The following OPHN1 variants were observed in gnomAD, a reference collection of about 807,000 sequenced individuals.
OPHN1 encodes oligophrenin 1.
OPHN1 carries 11 observed loss-of-function variants against 60.7 expected under a neutral mutation model. The observed-to-expected ratio is 0.18, with a 90% confidence interval of 0.11 to 0.30. OPHN1 has a LOEUF of 0.30. OPHN1 is among the 10% of genes least tolerant of loss of function. The probability of loss-of-function intolerance (pLI) is 1.00; values close to 1 mark genes in which losing one functional copy is unlikely to be tolerated. For synonymous variants in OPHN1, 226 were observed against 222.6 expected, an observed-to-expected ratio of 1.02 and a Z score of -0.14; for missense variants, 449 against 611.0, an observed-to-expected ratio of 0.73 and a Z score of 2.80.
intron 6 of OPHN1, among the ~76,000 whole-genome samples, chrX:68,223,709 T>C (rs892764905): frequency 9.0e-6 from 1 of 111,017 alleles, no homozygotes; most frequent in African/African-American, 3.3e-5. Flanking sequence ...ACAATTAAAA[T>C]GTAAAGAAAA....
chrX:68,181,917 G>A (rs1281356037), intron 15 of OPHN1, among the ~76,000 whole-genome samples: 1 of 112,119 alleles, frequency 8.9e-6, no homozygotes, highest in Non-Finnish European at 1.9e-5. Flanking sequence ...CTGAGTTCAA[G>A]TCCATGGTGT....
intron 2 of OPHN1, among the ~76,000 whole-genome samples, chrX:68,399,819 T>C (rs753874980): frequency 2.5e-4 from 23 of 90,378 alleles, no homozygotes; most frequent in African/African-American, 7.9e-4. Context: ...TAGTTTCTTT[T>C]TTTTTCTTTC....
intron 15 of OPHN1, among the ~76,000 whole-genome samples, chrX:68,131,097 T>C (rs1460351388): frequency 1.8e-5 from 2 of 110,863 alleles, no homozygotes; most frequent in Non-Finnish European, 3.8e-5. Flanking sequence ...AAGAGGAAAA[T>C]TTAGGAATGG....
intron 23 of OPHN1, 108 bp downstream of exon 23, chrX:68,052,432 C>T: frequency 1.4e-6 from 1 of 719,804 alleles, no homozygotes; most frequent in Non-Finnish European, 2.1e-6. Flanking sequence ...AGAGACAGAG[C>T]TGTAGAGAAA....
intron 15 of OPHN1, among the ~76,000 whole-genome samples, chrX:68,192,195 A>C (rs1468343584): frequency 8.9e-6 from 1 of 111,911 alleles, no homozygotes; most frequent in Non-Finnish European, 1.9e-5. Context: ...ATTGAAAAGG[A>C]ATCCTATAAG....
At chrX:68,057,431 T>C (rs1442861531) in intron 21 of OPHN1, among the ~76,000 whole-genome samples, 1 of 111,115 alleles carries the variant, frequency 9.0e-6, no homozygotes, top group African/African-American at 3.3e-5. Flanking sequence ...GGCGGAGTTG[T>C]GGAGGGGAAG....
At chrX:68,274,092 G>A (rs1338847472) in intron 5 of OPHN1, among the ~76,000 whole-genome samples, 1 of 111,609 alleles carries the variant, frequency 9.0e-6, no homozygotes, top group Non-Finnish European at 1.9e-5. Flanking sequence ...CATTCATGAA[G>A]GATCCACCCC....
At chrX:68,417,714 A>G (rs2043293752) in intron 2 of OPHN1, among the ~76,000 whole-genome samples, 1 of 112,535 alleles carries the variant, frequency 8.9e-6, no homozygotes, top group Non-Finnish European at 1.9e-5. Flanking sequence ...ACAGTTGACC[A>G]GCAGCTTTCA....
chrX:68,247,608 A>G (rs2077812756), intron 5 of OPHN1, among the ~76,000 whole-genome samples: 1 of 111,091 alleles, frequency 9.0e-6, no homozygotes, highest in African/African-American at 3.3e-5. Flanking sequence ...TCCTTCCCAG[A>G]GTTACAGTAA....
chrX:68,430,803 G>A (rs747773370), intron 2 of OPHN1, among the ~76,000 whole-genome samples: 2 of 109,797 alleles, frequency 1.8e-5, no homozygotes, highest in South Asian at 7.8e-4. Context: ...CAGCCTGGGC[G>A]ACAAAGCAAG....
At chrX:68,345,493 G>A (rs763582300) in intron 2 of OPHN1, among the ~76,000 whole-genome samples, 2 of 112,161 alleles carry the variant, frequency 1.8e-5, no homozygotes, top group South Asian at 7.4e-4. Context: ...AGTGGAGGTG[G>A]GTTTTACAAA....
intron 5 of OPHN1, among the ~76,000 whole-genome samples, chrX:68,272,036 A>G (rs1050033303): frequency 1.0e-5 from 1 of 98,297 alleles, no homozygotes; most frequent in Non-Finnish European, 2.0e-5. Context: ...AGCTCCCTCT[A>G]CTGAGAAAGT....
At chrX:68,379,427 C>T (rs749285234) in intron 2 of OPHN1, among the ~76,000 whole-genome samples, 2 of 107,386 alleles carry the variant, frequency 1.9e-5, no homozygotes, top group Non-Finnish European at 3.8e-5. Flanking sequence ...TTATTTCCTT[C>T]TCCTGCCTAA....
At position 68,042,627 on chromosome X, in the gene OPHN1, T is replaced by C. The variant is rs2076819482; in HGVS notation, c.*4545A>G. ...CAAAAAACACATGAAGAAATGCTCA[T>C]CATCACTGGCCATCAGAGAAATGCA... On this transcript the variant is annotated 3_prime_UTR_variant, in exon 25 of 25. Transcript: ENST00000355520. 9.7e-6 allele frequency: 1 copy of C among 103,161 alleles called. No homozygotes were observed. Among genetic ancestry groups the C allele is most frequent in the Admixed American group, 1.1e-4 (1 of 9,412 alleles). 8.5% of individuals were successfully genotyped at this position (103,161 alleles called of 1,213,427 possible).
intron 4 of OPHN1, 142 bp downstream of exon 4, chrX:68,282,914 C>A: frequency 2.1e-6 from 1 of 482,868 alleles, no homozygotes. Flanking sequence ...ATAACCAGAT[C>A]TATTACCTAA....
In OPHN1 at chrX:68,046,172, G is replaced by C. The variant is rs1301180036; in HGVS notation, c.*1000C>G. ...ATGGAATTGTGCATACCATCTCAGGGGCATCATGGAGTTTCTGAGTCCATG... is the reference window on the plus strand; with the variant it reads ...ATGGAATTGTGCATACCATCTCAGGCGCATCATGGAGTTTCTGAGTCCATG... On this transcript the variant is annotated 3_prime_UTR_variant, in exon 25 of 25. Coordinates refer to ENST00000355520, the MANE Select transcript of OPHN1 (RefSeq NM_002547.3). The C allele has an allele frequency of 8.9e-6, 1 of 111,776 alleles. No individual in the cohort carries two copies. Among genetic ancestry groups the C allele is most frequent in the African/African-American group, 3.3e-5 (1 of 30,709 alleles). The allele number at this position is 111,776 out of a possible 1,213,427, so 9.2% of individuals were successfully genotyped here.
chrX:68,382,121 G>A (rs2078599996), intron 2 of OPHN1, among the ~76,000 whole-genome samples: 1 of 111,436 alleles, frequency 9.0e-6, no homozygotes, highest in East Asian at 2.8e-4. Context: ...GCCAAGGCAG[G>A]TGGATCATTT....
chrX:68,352,311 C>T (rs1443689687), intron 2 of OPHN1, among the ~76,000 whole-genome samples: 2 of 107,935 alleles, frequency 1.9e-5, no homozygotes, highest in Non-Finnish European at 3.8e-5. Context: ...TAGACAGTCT[C>T]CAGAAAAATC....
rs80331429 is a variant in OPHN1, at chrX:68,053,948, A to G, written c.2159-138T>C. ...TTCTTGGTGACTAACAACTCTGGCTATTTTTTTTTTTTTTTGTAATTTTTC... is the reference window on the plus strand; with the variant it reads ...TTCTTGGTGACTAACAACTCTGGCTGTTTTTTTTTTTTTTTGTAATTTTTC... On this transcript the variant is annotated intron_variant, in intron 21 of 24. Coordinates refer to ENST00000355520, the MANE Select transcript of OPHN1 (RefSeq NM_002547.3). 31 of 458,627 alleles carry G rather than the reference A, an allele frequency of 6.8e-5. No homozygotes were observed. The Admixed American group carries it at 1.2e-3, about 18-fold the overall frequency. The allele number at this position is 458,627 out of a possible 1,213,427, so 37.8% of individuals were successfully genotyped here. A position where few individuals can be genotyped will look rare whatever the true frequency, so the allele number is the denominator to read the frequency against.
Sources: gnomAD v4.1 joint callset for allele counts (sites outside exome capture counted in the v4.1 genomes callset) on GRCh38, gnomAD v4.1.1 for gene constraint, MANE v1.5 for transcripts, NCBI Gene and HGNC (gene_info 2026-07-23, HGNC 2026-07-21) for gene names.